AKNA: variants seen among roughly 807,000 people sequenced by gnomAD.
AKNA encodes AT-hook transcription factor, also known as microtubule organization protein AKNA.
Under a neutral mutation model 138.8 loss-of-function variants are expected in AKNA, and 67 were observed. That is an observed-to-expected ratio of 0.48 (90% CI 0.40 to 0.59). AKNA has a LOEUF of 0.59. Ranked by LOEUF, AKNA falls within the 20% of genes least tolerant of loss-of-function variation. The pLI is 0.00. For synonymous variants in AKNA, 737 were observed against 754.4 expected (o/e 0.98, Z 0.38); for missense variants, 1,813 against 1,880.4 (o/e 0.96, Z 0.66).
intron 4 of AKNA, among the ~76,000 whole-genome samples, chr9:114,373,029 G>A (rs1264500626): frequency 8.2e-6 from 1 of 121,614 alleles, no homozygotes; most frequent in Non-Finnish European, 1.7e-5. Flanking sequence ...AGTGGCCTCC[G>A]CCCACCTGCC....
rs1250718863 is a variant in AKNA at position 114,376,534 on chromosome 9, G to T, written c.1273C>A (p.Pro425Thr). ...AATTCTTGGGGTACCCTGGTGATAG[G>T]GTGGGCAGGAGGCGTGTCCTTTGCC... ...ALAKDTPPAHPITRVPQEFQT... is the reference protein window; with the variant it reads ...ALAKDTPPAHTITRVPQEFQT... The change falls in exon 3 of 22, where the codon CCT (proline) becomes ACT (threonine). Residue 425 changes from proline to threonine, a missense_variant. Coordinates refer to ENST00000374088, the MANE Select transcript of AKNA (RefSeq NM_001317950.2). 3.1e-6 allele frequency: 5 copies of T among 1,613,956 alleles called. No homozygotes were observed. The highest frequency in any genetic ancestry group is 3.3e-5 in the Admixed American group (2 of 59,994).
At chr9:114,366,760 G>A (rs1472234131) in intron 6 of AKNA, among the ~76,000 whole-genome samples, 1 of 151,578 alleles carries the variant, frequency 6.6e-6, no homozygotes. Context: ...GGAGGGAAGG[G>A]AAGGGAAGAA....
At chr9:114,340,456 T>C (rs1588938793) in intron 21 of AKNA, among the ~76,000 whole-genome samples, 1 of 152,194 alleles carries the variant, frequency 6.6e-6, no homozygotes, top group African/African-American at 2.4e-5. Context: ...CACTGAGCAA[T>C]AGCAACATTC....
intron 1 of AKNA, chr9:114,383,194 C>T (rs1305449171): frequency 2.2e-6 from 1 of 456,064 alleles, no homozygotes; most frequent in East Asian, 7.0e-5. Flanking sequence ...AGGCTGGCCA[C>T]ACGGGGGACC....
intron 4 of AKNA, among the ~76,000 whole-genome samples, chr9:114,370,776 C>A (rs1218444383): frequency 6.6e-6 from 1 of 152,132 alleles, no homozygotes; most frequent in South Asian, 2.1e-4. Flanking sequence ...TGCTAATGGG[C>A]TTTATGAATG....
downstream of AKNA, chr9:114,331,647 G>T: frequency 6.2e-7 from 1 of 1,613,912 alleles, no homozygotes. Flanking sequence ...CCTGGACGAT[G>T]AGAAGAACTG....
intron 1 of AKNA, among the ~76,000 whole-genome samples, chr9:114,381,941 G>A (rs1439425107): frequency 6.6e-6 from 1 of 152,072 alleles, no homozygotes; most frequent in East Asian, 1.9e-4. Flanking sequence ...GAGCCACCAT[G>A]CCCGGCCCCC....
At chr9:114,386,210 C>T (rs935743488) in intron 1 of AKNA, among the ~76,000 whole-genome samples, 1 of 152,170 alleles carries the variant, frequency 6.6e-6, no homozygotes, top group Non-Finnish European at 1.5e-5. Context: ...TACTATATAC[C>T]AGGCGCTACG....
intron 15 of AKNA, chr9:114,348,874 G>A (rs1287746874): frequency 2.2e-6 from 1 of 456,186 alleles, no homozygotes; most frequent in African/African-American, 2.0e-5. Flanking sequence ...ATTCCCACTG[G>A]GGCCGTTCTT....
At position 114,351,027 on chromosome 9, in the gene AKNA, G is replaced by A. The variant is rs1831081923; in HGVS notation, c.3059-6C>T. ...AAACTCTGAGCCAGGAACCGCTAGGGAGGCAGAGAGAGAACCCAAAGTGAG... is the reference window on the plus strand; with the variant it reads ...AAACTCTGAGCCAGGAACCGCTAGGAAGGCAGAGAGAGAACCCAAAGTGAG... On this transcript the variant is annotated splice_polypyrimidine_tract_variant and splice_region_variant and intron_variant, in intron 14 of 21. Coordinates refer to ENST00000374088, the MANE Select transcript of AKNA (RefSeq NM_001317950.2). 1.2e-6 allele frequency: 2 copies of A among 1,612,790 alleles called. No individual in the cohort carries two copies. The highest frequency in any genetic ancestry group is 2.2e-5 in the South Asian group (2 of 90,912).
rs1014136345 is a variant in AKNA at position 114,345,817 on chromosome 9, C to G, written c.3661+46G>C. 7 of 1,589,752 alleles carry G rather than the reference C, an allele frequency of 4.4e-6. No homozygotes were observed. The African/African-American group carries it at 9.4e-5, about 21-fold the overall frequency. On this transcript the variant is annotated intron_variant, in intron 18 of 21. Transcript: ENST00000374088. ...GCTTCTCATAACAGAGGAGCCCCCG[C>G]TGACACCAGGAGCTGCACCCATCCC...
intron 20 of AKNA, 42 bp downstream of exon 20, chr9:114,341,967 G>C: frequency 6.4e-7 from 1 of 1,561,066 alleles, no homozygotes; most frequent in Non-Finnish European, 8.8e-7. Flanking sequence ...GTCAAGGAGA[G>C]CTGAGGGTCT....
chr9:114,359,961 G>C lies in AKNA; in HGVS notation c.2226C>G (p.Asp742Glu). 2 of 1,614,232 alleles carry C rather than the reference G, an allele frequency of 1.2e-6. No homozygotes were observed. The highest frequency in any genetic ancestry group is 1.7e-6 in the Non-Finnish European group (2 of 1,180,040). The stretch of plus-strand genomic sequence containing the variant: ...CCTTGTGCCTGAGTCGGGCCAGGGG[G>C]TCCTGTGGCCTGTCCTCCACCTCAC... Reference protein sequence around the residue: ...GNSEVEDRPQDPLARLRHKEL... With the variant: ...GNSEVEDRPQEPLARLRHKEL... Residue 742 changes from aspartate (D) to glutamate (E), a missense_variant, in exon 10 of 22, where the codon GAC (aspartate) becomes GAG (glutamate). Asp to Glu is a conservative substitution (Grantham distance 45). Coordinates refer to ENST00000374088, the MANE Select transcript of AKNA (RefSeq NM_001317950.2).
At chr9:114,392,104 C>CAAAAAA (rs61619495), upstream of AKNA, among the ~76,000 whole-genome samples, 17,659 of 85,912 alleles carry the variant, frequency 0.21, 1,882 homozygotes, top group East Asian at 0.34. Context: ...AGACGCTTGT[C>CAAAAAA]AAAAAAAAAA....
intron 13 of AKNA, among the ~76,000 whole-genome samples, chr9:114,356,596 T>G (rs1209507274): frequency 6.6e-6 from 1 of 152,228 alleles, no homozygotes; most frequent in Admixed American, 6.5e-5. Flanking sequence ...TAGTTTTTAT[T>G]CATTCATCCA....
intron 6 of AKNA, among the ~76,000 whole-genome samples, chr9:114,366,013 C>T (rs933601599): frequency 3.9e-5 from 6 of 152,088 alleles, no homozygotes; most frequent in Non-Finnish European, 7.4e-5. Context: ...CAAAAGGAAA[C>T]GAAGCCTGTA....
At chr9:114,342,843 C>A (rs1830449268) in intron 19 of AKNA, among the ~76,000 whole-genome samples, 1 of 149,258 alleles carries the variant, frequency 6.7e-6, no homozygotes, top group Non-Finnish European at 1.5e-5. Context: ...GGGCCCAGGG[C>A]CCCATAGGGG....
rs1348445205 is a variant in AKNA at position 114,377,552 on chromosome 9, A to T, written c.275-20T>A. ...CAGCCTCTGGAAAGACAGGCCATTC[A>T]CTTCTTAGCATATACCAGCTCTGCA... On this transcript the variant is annotated intron_variant, in intron 2 of 21. Coordinates refer to ENST00000374088, the MANE Select transcript of AKNA (RefSeq NM_001317950.2). 6.4e-7 allele frequency: 1 copy of T among 1,572,672 alleles called. No individual in the cohort carries two copies. Among genetic ancestry groups the T allele is most frequent in the African/African-American group, 1.4e-5 (1 of 73,608 alleles).
chr9:114,386,503 C>T (rs1422562436), intron 1 of AKNA, among the ~76,000 whole-genome samples: 1 of 152,186 alleles, frequency 6.6e-6, no homozygotes, highest in Non-Finnish European at 1.5e-5. Context: ...CTCGTTAGGG[C>T]AGCAGGGCTG....
Sources: allele counts gnomAD v4.1 joint callset (sites outside exome capture counted in the v4.1 genomes callset), GRCh38; gene constraint gnomAD v4.1.1; transcripts MANE v1.5; gene names NCBI Gene and HGNC (gene_info 2026-07-23, HGNC 2026-07-21).